The following QTRT2 variants were observed in gnomAD, a reference collection of about 807,000 sequenced individuals.
QTRT2 encodes the protein queuine tRNA-ribosyltransferase domain containing 1.
A neutral mutation model predicts 44.8 loss-of-function variants in QTRT2; 32 were observed. The observed-to-expected ratio is 0.71, with a 90% confidence interval of 0.54 to 0.96. QTRT2 has a LOEUF of 0.96. Ranked by LOEUF, QTRT2 falls within the 40% of genes least tolerant of loss-of-function variation. QTRT2 has a pLI of 0.00. For synonymous variants in QTRT2, 182 were observed against 187.4 expected (o/e 0.97, Z 0.24); for missense variants, 461 against 503.1 (o/e 0.92, Z 0.80).
At chr3:114,080,085 C>T in intron 8 of QTRT2, 28 bp downstream of exon 8, 1 of 1,538,856 alleles carries the variant, frequency 6.5e-7, no homozygotes. Flanking sequence ...TATCTCTTAT[C>T]CTTAAGTTTC....
At chr3:114,066,315 G>A (rs1022497447) in intron 4 of QTRT2, 32 bp downstream of exon 4, 5 of 1,357,882 alleles carry the variant, frequency 3.7e-6, no homozygotes, top group Non-Finnish European at 4.2e-6. Flanking sequence ...TGTGCCTTGT[G>A]ATGTGTTAAT....
intron 6 of QTRT2, among the ~76,000 whole-genome samples, 156 bp downstream of exon 6, chr3:114,070,994 T>G (rs2077018272): frequency 6.6e-6 from 1 of 152,222 alleles, no homozygotes; most frequent in African/African-American, 2.4e-5. Flanking sequence ...ACCTTAAGTA[T>G]TATTGTTCTC....
chr3:114,077,996 A>AT (rs1476074066), intron 7 of QTRT2: 1 of 152,054 alleles, frequency 6.6e-6, no homozygotes, highest in Admixed American at 6.6e-5. Context: ...TACAGGCGCG[A>AT]TTTTACTACT....
In QTRT2 at chr3:114,075,745, G is replaced by C. The variant is rs2077082349; in HGVS notation, c.547-998G>C. ...GCTGGTCTTGAACTCCTGACCTCAA[G>C]TGATCCACCTGCCTCGGCCTCCTGC... is the stretch of plus-strand genomic sequence containing the variant. On this transcript the variant is annotated intron_variant, in intron 6 of 9. Coordinates refer to ENST00000281273, the MANE Select transcript of QTRT2 (RefSeq NM_024638.4). Among the ~76,000 whole-genome samples the C allele has an allele frequency of 2.0e-5, 3 of 151,998 alleles. No individual in the cohort carries two copies. In the South Asian group the frequency reaches 6.2e-4, roughly 32 times the overall value.
At position 114,069,779 on chromosome 3, in the gene QTRT2, T is replaced by C. The variant is rs533619333; in HGVS notation, c.334-847T>C. Among the ~76,000 whole-genome samples the C allele has an allele frequency of 3.2e-4, 48 of 152,230 alleles. 1 individual carries two copies. The South Asian group carries it at 9.1e-3, about 29-fold the overall frequency. Reference sequence around the variant, plus strand: ...TATGCCCAGTAACGGGATTGCTGGGTTGAATGGTAGTTTTGCTTTTAGCTC... The same window carrying C: ...TATGCCCAGTAACGGGATTGCTGGGCTGAATGGTAGTTTTGCTTTTAGCTC... On this transcript the variant is annotated intron_variant, in intron 5 of 9. Transcript: ENST00000281273.
chr3:114,073,936 C>T (rs2107797592), intron 6 of QTRT2, among the ~76,000 whole-genome samples: 1 of 152,288 alleles, frequency 6.6e-6, no homozygotes, highest in South Asian at 2.1e-4. Context: ...TATTGACTGG[C>T]TCCTCTTATT....
chr3:114,069,643 C>T (rs945021457), intron 5 of QTRT2, among the ~76,000 whole-genome samples: 24 of 152,248 alleles, frequency 1.6e-4, no homozygotes, highest in African/African-American at 5.5e-4. Flanking sequence ...TCCAATCTAT[C>T]ATTGATGGAC....
chr3:114,071,908 CA>C (rs2077029461), intron 6 of QTRT2, among the ~76,000 whole-genome samples: 1 of 152,184 alleles, frequency 6.6e-6, no homozygotes, highest in Non-Finnish European at 1.5e-5. Context: ...TCTTACATGG[CA>C]TGGACAGCCT....
intron 2 of QTRT2, among the ~76,000 whole-genome samples, chr3:114,060,552 G>C (rs2107783564): frequency 6.6e-6 from 1 of 151,618 alleles, no homozygotes; most frequent in Middle Eastern, 3.4e-3. Context: ...AGATAAGATA[G>C]ATTAGATAGA....
At position 114,079,887 on chromosome 3, in the gene QTRT2, C is replaced by G; in HGVS notation, c.747-19C>G. ...CTTGCATTGTCCTCATGTCACTGTTCTTATTCTTACTTTTACAGGCTCATA... is the reference window on the plus strand; with the variant it reads ...CTTGCATTGTCCTCATGTCACTGTTGTTATTCTTACTTTTACAGGCTCATA... On this transcript the variant is annotated intron_variant, in intron 7 of 9. Coordinates refer to ENST00000281273, the MANE Select transcript of QTRT2 (RefSeq NM_024638.4). The G allele has an allele frequency of 1.9e-6, 3 of 1,610,920 alleles. No individual in the cohort carries two copies. Among genetic ancestry groups the G allele is most frequent in the Non-Finnish European group, 2.5e-6 (3 of 1,178,066 alleles).
Position 114,056,866 on chromosome 3 carries a change from T to G in QTRT2, c.-130+2T>G, listed in dbSNP as rs565767585. 1 of 1,535,918 alleles carries G rather than the reference T, an allele frequency of 6.5e-7. No individual in the cohort carries two copies. The highest frequency in any genetic ancestry group is 2.4e-5 in the East Asian group (1 of 40,920). ...AAGAGTCGAATGGTTTGTTGGCAGG[T>G]AAGTGCCCCTTTGCCCTGCTGGTGT... On this transcript the variant is annotated splice_donor_variant, in intron 1 of 9. Coordinates refer to ENST00000281273, the MANE Select transcript of QTRT2 (RefSeq NM_024638.4). LOFTEE classifies it low-confidence loss of function (5UTR_SPLICE).
At chr3:114,077,209 T>C (rs1480464619) in intron 7 of QTRT2, 3 of 417,690 alleles carry the variant, frequency 7.2e-6, no homozygotes, top group African/African-American at 4.0e-5. Context: ...GCAAGTATTA[T>C]ACTGTTTCCC....
chr3:114,060,222 C>G (rs1428121473), intron 2 of QTRT2, among the ~76,000 whole-genome samples: 1 of 152,146 alleles, frequency 6.6e-6, no homozygotes, highest in Non-Finnish European at 1.5e-5. Flanking sequence ...AAGATGGGAA[C>G]TTCTAGAATA....
At chr3:114,065,508 T>TA in intron 3 of QTRT2, 51 bp downstream of exon 3, 1 of 1,383,718 alleles carries the variant, frequency 7.2e-7, no homozygotes, top group South Asian at 1.2e-5. Context: ...GCAGCTTAGT[T>TA]ACCTTAGGTG....
At chr3:114,065,159 GA>G in intron 2 of QTRT2, 77 bp from the exon 3 acceptor site, 4 of 840,064 alleles carry the variant, frequency 4.8e-6, no homozygotes, top group Non-Finnish European at 5.7e-6. Context: ...TTTTCCTGAA[GA>G]TTTTTTTTTT....
chr3:114,077,837 C>G (rs1048851761), intron 7 of QTRT2: 5 of 151,852 alleles, frequency 3.3e-5, no homozygotes, highest in African/African-American at 1.2e-4. Context: ...CCTCAGCCTC[C>G]TGAGTAGCTG....
intron 6 of QTRT2, among the ~76,000 whole-genome samples, chr3:114,074,390 C>T (rs1461892367): frequency 6.6e-6 from 1 of 152,168 alleles, no homozygotes; most frequent in Non-Finnish European, 1.5e-5. Context: ...TGTCTTTATC[C>T]TCTCCTTGGA....
chr3:114,058,291 C>A (rs934804783), intron 2 of QTRT2, among the ~76,000 whole-genome samples: 2 of 151,946 alleles, frequency 1.3e-5, no homozygotes, highest in African/African-American at 4.8e-5. Context: ...TTTTTGGTCT[C>A]TTTTCCTTTC....
At chr3:114,082,975 A>G (rs574946397) in intron 9 of QTRT2, 181 bp downstream of exon 9, 76 of 593,422 alleles carry the variant, frequency 1.3e-4, no homozygotes, top group South Asian at 1.1e-3. Flanking sequence ...GAATTTGTAG[A>G]CTTCGTCTTG....
Sources: allele counts gnomAD v4.1 joint callset (sites outside exome capture counted in the v4.1 genomes callset), GRCh38; gene constraint gnomAD v4.1.1; transcripts MANE v1.5; gene names NCBI Gene and HGNC (gene_info 2026-07-23, HGNC 2026-07-21).